The following ANGPT4 variants were observed in gnomAD, a reference collection of about 807,000 sequenced individuals.
ANGPT4 encodes angiopoietin 4.
ANGPT4 carries 50 observed loss-of-function variants against 53.0 expected under a neutral mutation model. The ratio of observed to expected loss-of-function variants is 0.94; its 90% confidence interval spans 0.75 to 1.20. The LOEUF is 1.20. Ranked by LOEUF, ANGPT4 falls within the 50% of genes most tolerant of loss-of-function variation. ANGPT4 has a pLI of 0.00. For synonymous variants in ANGPT4, 251 were observed against 259.7 expected, an observed-to-expected ratio of 0.97 and a Z score of 0.32; for missense variants, 648 against 637.1, an observed-to-expected ratio of 1.02 and a Z score of -0.18.
At position 908,731 on chromosome 20, in the gene ANGPT4, C is replaced by T. The variant is rs1982579678; in HGVS notation, c.309+7175G>A. Among the ~76,000 whole-genome samples, 2 of 151,002 alleles carry T rather than the reference C, an allele frequency of 1.3e-5. No individual in the cohort carries two copies. The highest frequency in any genetic ancestry group is 2.9e-5 in the Non-Finnish European group (2 of 67,934). On this transcript the variant is annotated intron_variant, in intron 1 of 8. Coordinates refer to ENST00000381922, the MANE Select transcript of ANGPT4 (RefSeq NM_015985.4). This position sits in a 1 kb window ranked among gnomAD's most constrained non-coding sequence, Gnocchi z 4.9. ...TGAATGCAGGAATGAATATTCTTAC[C>T]TGACAAACTAAGTTCAGAGTTGTGT...
At chr20:907,637 G>A (rs1339796294) in intron 1 of ANGPT4, among the ~76,000 whole-genome samples, 7 of 152,116 alleles carry the variant, frequency 4.6e-5, no homozygotes, top group Non-Finnish European at 1.0e-4. Flanking sequence ...ACCTGTTATC[G>A]ACCTATTTTA....
intron 1 of ANGPT4, among the ~76,000 whole-genome samples, chr20:892,865 A>G (rs1981903365): frequency 6.6e-6 from 1 of 152,292 alleles, no homozygotes; most frequent in South Asian, 2.1e-4. Flanking sequence ...CTTGTCATAG[A>G]TAGCCCTCCT....
intron 7 of ANGPT4, among the ~76,000 whole-genome samples, chr20:877,030 T>A (rs980386691): frequency 1.3e-5 from 2 of 151,734 alleles, no homozygotes; most frequent in African/African-American, 4.8e-5. Flanking sequence ...CACTCCAGCC[T>A]GGGCAACAGA....
intron 1 of ANGPT4, among the ~76,000 whole-genome samples, chr20:912,727 C>T (rs1174748435): frequency 6.6e-6 from 1 of 152,020 alleles, no homozygotes; most frequent in African/African-American, 2.4e-5. Flanking sequence ...GGGGCTCTCC[C>T]CATGCCTGAT....
At chr20:900,085 C>A (rs1207520441) in intron 1 of ANGPT4, among the ~76,000 whole-genome samples, 1 of 152,188 alleles carries the variant, frequency 6.6e-6, no homozygotes, top group Admixed American at 6.5e-5. Context: ...CCTTTCATAA[C>A]CTCTTCTATG....
At position 880,252 on chromosome 20, in the gene ANGPT4, G is replaced by A. The variant is rs370404658; in HGVS notation, c.952-404C>T. ...AGAGGTTAGCAGGTGTGTGAGAAGT[G>A]TAAAAGACAACCTGGAGACAAACAG... is the stretch of plus-strand genomic sequence containing the variant. On this transcript the variant is annotated intron_variant, in intron 5 of 8. Coordinates refer to ENST00000381922, the MANE Select transcript of ANGPT4 (RefSeq NM_015985.4). Among the ~76,000 whole-genome samples, 29 of 152,274 alleles carry A rather than the reference G, an allele frequency of 1.9e-4. No homozygotes were observed. In the South Asian group the frequency reaches 4.2e-3, roughly 22 times the overall value.
Position 887,245 on chromosome 20 carries a change from G to C in ANGPT4, c.587+1073C>G, listed in dbSNP as rs147343917. Among the ~76,000 whole-genome samples, 315 of 152,332 alleles carry C rather than the reference G, an allele frequency of 2.1e-3. 1 individual carries two copies. Among genetic ancestry groups the C allele is most frequent in the African/African-American group, 7.3e-3 (302 of 41,570 alleles). ...AGAATTGGGGCACACTGAAATTCTAGAATTCCTGCCCTGTCTTCATGGGCC... is the reference window on the plus strand; with the variant it reads ...AGAATTGGGGCACACTGAAATTCTACAATTCCTGCCCTGTCTTCATGGGCC... On this transcript the variant is annotated intron_variant, in intron 3 of 8. Coordinates refer to ENST00000381922, the MANE Select transcript of ANGPT4 (RefSeq NM_015985.4).
chr20:872,998 G>T lies in ANGPT4; in HGVS notation c.1474C>A (p.Arg492Ser), dbSNP rs1365799158. ...HYFKGPSYSL[R>S]ASRMMIRPLD... is the part of the protein sequence containing the mutation. ...GGCCGTATCATCATGCGAGAGGCACGCAGTGAGTAGCTGGGGCCCTTGAAG... is the reference window on the plus strand; with the variant it reads ...GGCCGTATCATCATGCGAGAGGCACTCAGTGAGTAGCTGGGGCCCTTGAAG... Residue 492 changes from arginine to serine, a missense_variant, in exon 9 of 9, where the codon CGT (arginine) becomes AGT (serine). Arg to Ser is a moderately radical substitution (Grantham distance 110, BLOSUM62 -1). Transcript: ENST00000381922. 3.1e-6 allele frequency: 5 copies of T among 1,614,086 alleles called. No homozygotes were observed. Among genetic ancestry groups the T allele is most frequent in the Admixed American group, 1.7e-5 (1 of 60,020 alleles).
intron 1 of ANGPT4, among the ~76,000 whole-genome samples, chr20:909,490 A>G (rs1446044607): frequency 6.6e-6 from 1 of 152,224 alleles, no homozygotes; most frequent in Non-Finnish European, 1.5e-5. Flanking sequence ...AGGGAACAAA[A>G]GGAAACTATA....
chr20:878,079 C>A (rs1428425566), intron 7 of ANGPT4, 82 bp downstream of exon 7: 1 of 1,460,816 alleles, frequency 6.8e-7, no homozygotes, highest in Non-Finnish European at 9.3e-7. Flanking sequence ...GGAGCAGACT[C>A]TGTAGACACT....
chr20:879,888 G>A (rs1379577614), intron 5 of ANGPT4, 40 bp from the exon 6 acceptor site: 3 of 1,528,370 alleles, frequency 2.0e-6, no homozygotes, highest in Admixed American at 1.7e-5. Context: ...AGCCCTTGGA[G>A]GTAGCCAGAG....
In ANGPT4 at chr20:914,521, G is replaced by C. The variant is rs754272317; in HGVS notation, c.309+1385C>G. ...TGGGGATTCTTTGGTCTGCTGCATG[G>C]AGAACAGGAGGTGGGGGCCGAGTGT... On this transcript the variant is annotated intron_variant, in intron 1 of 8. Transcript: ENST00000381922. The surrounding 1 kb of genome is among the most constrained non-coding windows in gnomAD (Gnocchi z 5.0). 6.6e-6 allele frequency among the ~76,000 whole-genome samples: 1 copy of C among 152,086 alleles called. No homozygotes were observed. Among genetic ancestry groups the C allele is most frequent in the Non-Finnish European group, 1.5e-5 (1 of 68,004 alleles).
chr20:888,225 A>T, intron 3 of ANGPT4, 93 bp downstream of exon 3: 1 of 1,483,226 alleles, frequency 6.7e-7, no homozygotes, highest in South Asian at 1.4e-5. Flanking sequence ...CTCCAGCCCC[A>T]GTCCTAGCCC....
At chr20:898,300 C>T (rs969490555) in intron 1 of ANGPT4, among the ~76,000 whole-genome samples, 2 of 152,200 alleles carry the variant, frequency 1.3e-5, no homozygotes, top group African/African-American at 2.4e-5. Context: ...CTTACAGTTT[C>T]GTTCTGCAAC....
chr20:909,923 C>T (rs1423220264), intron 1 of ANGPT4, among the ~76,000 whole-genome samples: 1 of 152,194 alleles, frequency 6.6e-6, no homozygotes, highest in African/African-American at 2.4e-5. Context: ...TGAATCATCC[C>T]TGGCAGAAAA....
chr20:890,238 C>T lies in ANGPT4; in HGVS notation c.440G>A (p.Arg147His), dbSNP rs150123876. Residue 147 changes from arginine to histidine, a missense_variant, in exon 2 of 9, where the codon CGC (arginine) becomes CAC (histidine). Transcript: ENST00000381922. ...CTGAGCCTCCATGTCGGTCAGCTTG[C>T]GGATCTGGGCAGTGGTCTGGTTCAG... ...SLLNQTTAQI[R>H]KLTDMEAQLL... 3.8e-3 allele frequency: 6,179 copies of T among 1,613,762 alleles called. 21 individuals are homozygous for T. The highest frequency in any genetic ancestry group is 4.3e-3 in the Non-Finnish European group (5,122 of 1,179,890).
Position 872,883 on chromosome 20 carries a change from G to A in ANGPT4, c.*77C>T, listed in dbSNP as rs1980998787. The A allele has an allele frequency of 3.9e-5, 61 of 1,565,572 alleles. No homozygotes were observed. The highest frequency in any genetic ancestry group is 5.2e-5 in the Non-Finnish European group (60 of 1,148,314). Reference sequence around the variant, plus strand: ...AGGGAAGGCGGTGGCACAGTGTCTTGCATCTGGGTCCAGGTTGTCCAGGAG... The same window carrying A: ...AGGGAAGGCGGTGGCACAGTGTCTTACATCTGGGTCCAGGTTGTCCAGGAG... On this transcript the variant is annotated 3_prime_UTR_variant, in exon 9 of 9. Coordinates refer to ENST00000381922, the MANE Select transcript of ANGPT4 (RefSeq NM_015985.4).
intron 4 of ANGPT4, among the ~76,000 whole-genome samples, chr20:882,575 C>T (rs1173925301): frequency 6.6e-6 from 1 of 152,164 alleles, no homozygotes; most frequent in Non-Finnish European, 1.5e-5. Flanking sequence ...ACAAGCATTT[C>T]CTGGGCAGTG....
At chr20:904,087 T>A (rs1982389472) in intron 1 of ANGPT4, among the ~76,000 whole-genome samples, 2 of 152,162 alleles carry the variant, frequency 1.3e-5, no homozygotes, top group African/African-American at 4.8e-5. Flanking sequence ...TAAATGTAAA[T>A]CTTTGTAATT....
Sources: allele counts gnomAD v4.1 joint callset (sites outside exome capture counted in the v4.1 genomes callset), GRCh38; gene constraint gnomAD v4.1.1; non-coding constraint Gnocchi (gnomAD v3.1); transcripts MANE v1.5; gene names NCBI Gene and HGNC (gene_info 2026-07-23, HGNC 2026-07-21).